Variants in OR2T27 observed in about 807,000 individuals in gnomAD.
OR2T27 encodes the protein olfactory receptor 2T27.
For synonymous variants in OR2T27, 51 were observed against 152.9 expected (o/e 0.33, Z 4.92); for missense variants, 152 against 397.2 (o/e 0.38, Z 5.25).
Position 248,649,932 on chromosome 1 carries a change from T to C in OR2T27, c.953A>G (p.Ter318=), listed in dbSNP as rs750708690. ...TCTCTAGCAGCATATGAAATTTCTT[T>C]AGAAAGTGGTTACCTTTCCTGAGGA... ...CVSSGKVTTF[*] The change falls in exon 2 of 2, where the codon TAA becomes TGA. Residue 318 remains the stop codon, a stop_retained_variant. Transcript: ENST00000460972. 6.5e-7 allele frequency: 1 copy of C among 1,550,334 alleles called. No individual in the cohort carries two copies. The highest frequency in any genetic ancestry group is 8.8e-7 in the Non-Finnish European group (1 of 1,130,304).
rs546103008 is a variant in OR2T27, at chr1:248,655,243, A to C, written c.-5+201T>G. Among the ~76,000 whole-genome samples the C allele has an allele frequency of 7.5e-3, 910 of 120,678 alleles. 48 individuals carry two copies. The highest frequency in any genetic ancestry group is 0.023 in the African/African-American group (870 of 37,896). The allele number at this position is 120,678 out of a possible 152,430, so 79.2% of individuals were successfully genotyped here. A position where few individuals can be genotyped will look rare whatever the true frequency, so the allele number is the denominator to read the frequency against. ...CATTCTGATGTACAGAAAAGATAAG[A>C]GTCCATAACTACTAAGAAACGAGAT... On this transcript the variant is annotated intron_variant, in intron 1 of 1. Coordinates refer to ENST00000460972, the MANE Select transcript of OR2T27 (RefSeq NM_001001824.2).
intron 1 of OR2T27, 51 bp from the exon 2 acceptor site, chr1:248,650,939 A>G: frequency 1.4e-6 from 1 of 705,440 alleles, no homozygotes; most frequent in Admixed American, 4.1e-5. Flanking sequence ...TATCTGATTT[A>G]CATAAAACAT....
In OR2T27 at chr1:248,650,330, C is replaced by CA; in HGVS notation, c.554dup (p.Lys186GlufsTer42). The CA allele has an allele frequency of 1.5e-6, 2 of 1,355,212 alleles. No individual in the cohort carries two copies. The highest frequency in any genetic ancestry group is 1.0e-6 in the Non-Finnish European group (1 of 967,754). 83.9% of individuals were successfully genotyped at this position (1,355,212 alleles called of 1,614,324 possible). On this transcript the variant is annotated frameshift_variant, in exon 2 of 2. Coordinates refer to ENST00000460972, the MANE Select transcript of OR2T27 (RefSeq NM_001001824.2). LOFTEE classifies it low-confidence loss of function (END_TRUNC). ...CTGATGTGTCCGTGCAGGAGAGCTT[C>CA]AGAAGGGCAGGCACCTCGCAGAAGA...
intron 1 of OR2T27, among the ~76,000 whole-genome samples, chr1:248,652,033 A>G (rs1661029467): frequency 6.6e-6 from 1 of 151,408 alleles, no homozygotes; most frequent in African/African-American, 2.5e-5. Flanking sequence ...AAAATTTAGA[A>G]TTCTCTGTGG....
At chr1:248,652,406 G>A (rs1376989790) in intron 1 of OR2T27, among the ~76,000 whole-genome samples, 2 of 149,222 alleles carry the variant, frequency 1.3e-5, no homozygotes, top group African/African-American at 4.9e-5. Flanking sequence ...ACAGGACAAA[G>A]TAGACATCAA....
At chr1:248,653,426 T>G in intron 1 of OR2T27, among the ~76,000 whole-genome samples, 1 of 142,004 alleles carries the variant, frequency 7.0e-6, no homozygotes, top group East Asian at 2.2e-4. Context: ...AACGTCCAGT[T>G]CTATGTATAC....
rs779567708 is a variant in OR2T27 at position 248,650,073 on chromosome 1, T to A, written c.812A>T (p.Asp271Val). ...LPHSYHTPEQ[D>V]KAVSAFYTIL... is the part of the protein sequence containing the mutation. ...GGTGTAGAAGGCAGATACAGCTTTG[T>A]CCTGCTCAGGGGTGTGGTAAGAATG... Residue 271 changes from aspartate to valine, a missense_variant, in exon 2 of 2, where the codon GAC becomes GTC. Asp to Val is a radical substitution (Grantham distance 152, BLOSUM62 -3). Coordinates refer to ENST00000460972, the MANE Select transcript of OR2T27 (RefSeq NM_001001824.2). The A allele has an allele frequency of 2.4e-5, 38 of 1,572,626 alleles. 6 individuals are homozygous for A. In the East Asian group the frequency reaches 8.8e-4, roughly 36 times the overall value.
rs1172236445 is a variant in OR2T27 at position 248,655,448 on chromosome 1, C to T, written c.-9G>A. ...GCATCAAGACTGCAAACTTACCTTA[C>T]ACAGTATCTTCCCCAAACACGATGA... is the stretch of plus-strand genomic sequence containing the variant. On this transcript the variant is annotated 5_prime_UTR_variant, in exon 1 of 2. Coordinates refer to ENST00000460972, the MANE Select transcript of OR2T27 (RefSeq NM_001001824.2). 1.1e-5 allele frequency: 1 copy of T among 89,252 alleles called. No homozygotes were observed. Among genetic ancestry groups the T allele is most frequent in the Non-Finnish European group, 2.7e-5 (1 of 37,188 alleles). 5.5% of individuals were successfully genotyped at this position (89,252 alleles called of 1,614,324 possible).
At position 248,653,903 on chromosome 1, in the gene OR2T27, CAA is replaced by C. The variant is rs1233092013; in HGVS notation, c.-5+1539_-5+1540del. 9.1e-5 allele frequency among the ~76,000 whole-genome samples: 3 copies of C among 32,798 alleles called. 1 individual carries two copies. The East Asian group carries it at 0.5, about 5,466-fold the overall frequency. 21.5% of individuals were successfully genotyped at this position (32,798 alleles called of 152,430 possible). ...GTAATTGTAACTTTGATGTTTAGGC[CAA>C]AAAGTTTTGAAATATTTCAGACATT... On this transcript the variant is annotated intron_variant, in intron 1 of 1. Coordinates refer to ENST00000460972, the MANE Select transcript of OR2T27 (RefSeq NM_001001824.2).
rs1370886824 is a variant in OR2T27, at chr1:248,655,446, T to TAC, written c.-9_-8dup. 1 of 89,452 alleles carries TAC rather than the reference T, an allele frequency of 1.1e-5. No homozygotes were observed. Among genetic ancestry groups the TAC allele is most frequent in the Admixed American group, 1.4e-4 (1 of 7,090 alleles). 5.5% of individuals were successfully genotyped at this position (89,452 alleles called of 1,614,324 possible). A position where few individuals can be genotyped will look rare whatever the true frequency, so the allele number is the denominator to read the frequency against. On this transcript the variant is annotated 5_prime_UTR_variant, in exon 1 of 2. The change creates a premature stop within an existing upstream ORF in the 5' untranslated region. Transcript: ENST00000460972. ...CAGCATCAAGACTGCAAACTTACCTTACACAGTATCTTCCCCAAACACGAT... is the reference window on the plus strand; with the variant it reads ...CAGCATCAAGACTGCAAACTTACCTTACACACAGTATCTTCCCCAAACACGAT...
chr1:248,653,805 T>C (rs1401904771), intron 1 of OR2T27, among the ~76,000 whole-genome samples: 1 of 27,820 alleles, frequency 3.6e-5, no homozygotes, highest in African/African-American at 3.9e-5. Context: ...GATTAGTCTA[T>C]AGATTTTTAT....
chr1:248,649,952 T>C lies in OR2T27; in HGVS notation c.933A>G (p.Ser311=). ...TTCTTTAGAAAGTGGTTACCTTTCC[T>C]GAGGACACACACCTCCCCACAACCT... The part of the protein sequence containing the change: ...LQKVVGRCVS[S]GKVTTF Residue 311 remains serine, a synonymous_variant, in exon 2 of 2, where the codon TCA becomes TCG. Transcript: ENST00000460972. 1 of 1,576,576 alleles carries C rather than the reference T, an allele frequency of 6.3e-7. No homozygotes were observed. The highest frequency in any genetic ancestry group is 8.7e-7 in the Non-Finnish European group (1 of 1,154,052).
rs898403846 is a variant in OR2T27, at chr1:248,654,990, C to T, written c.-5+454G>A. 9.5e-4 allele frequency among the ~76,000 whole-genome samples: 28 copies of T among 29,604 alleles called. 3 individuals are homozygous for T. Among genetic ancestry groups the T allele is most frequent in the African/African-American group, 1.1e-3 (28 of 25,550 alleles). The allele number at this position is 29,604 out of a possible 152,430, so 19.4% of individuals were successfully genotyped here. On this transcript the variant is annotated intron_variant, in intron 1 of 1. Coordinates refer to ENST00000460972, the MANE Select transcript of OR2T27 (RefSeq NM_001001824.2). ...CATTCTTTTCAGCTTCTGGGAACTT[C>T]TAAGTATTAAGTATGCTGCAATGGT...
chr1:248,652,512 G>C (rs543491699), intron 1 of OR2T27, among the ~76,000 whole-genome samples: 1 of 77,958 alleles, frequency 1.3e-5, no homozygotes, highest in African/African-American at 3.0e-5. Context: ...ATCTGTCTTC[G>C]AGCCTAGAAT....
intron 1 of OR2T27, among the ~76,000 whole-genome samples, chr1:248,653,436 C>A (rs185846627): frequency 2.8e-5 from 4 of 141,564 alleles, no homozygotes; most frequent in African/African-American, 7.4e-5. Flanking sequence ...TCTATGTATA[C>A]CTAATAATTA....
intron 1 of OR2T27, among the ~76,000 whole-genome samples, chr1:248,651,992 C>T (rs1268733444): frequency 2.6e-5 from 4 of 151,136 alleles, no homozygotes; most frequent in Non-Finnish European, 1.5e-5. Context: ...TTAGTTTCAC[C>T]TATTTTTTAC....
rs74452532 is a variant in OR2T27, at chr1:248,653,458, C to T, written c.-5+1986G>A. 4.4e-5 allele frequency among the ~76,000 whole-genome samples: 6 copies of T among 137,464 alleles called. 1 individual carries two copies. Among genetic ancestry groups the T allele is most frequent in the Non-Finnish European group, 9.7e-5 (6 of 61,664 alleles). 90.2% of individuals were successfully genotyped at this position (137,464 alleles called of 152,430 possible). On this transcript the variant is annotated intron_variant, in intron 1 of 1. Coordinates refer to ENST00000460972, the MANE Select transcript of OR2T27 (RefSeq NM_001001824.2). ...ATACCTAATAATTAGCACATCTTTC[C>T]CAGTCTTTATAGAGAATATTGCTGT...
chr1:248,653,492 ATG>A (rs1356767580), intron 1 of OR2T27, among the ~76,000 whole-genome samples: 1 of 122,926 alleles, frequency 8.1e-6, no homozygotes, highest in African/African-American at 2.6e-5. Context: ...GTGATTGAAT[ATG>A]AGACACTCAG....
At chr1:248,652,162 G>T (rs1206659605) in intron 1 of OR2T27, among the ~76,000 whole-genome samples, 2 of 98,244 alleles carry the variant, frequency 2.0e-5, no homozygotes, top group African/African-American at 5.2e-5. Context: ...AATTAGAATT[G>T]AGCCAAAAAA....
Sources: allele counts gnomAD v4.1 joint callset (sites outside exome capture counted in the v4.1 genomes callset), GRCh38; gene constraint gnomAD v4.1.1; transcripts MANE v1.5; gene names NCBI Gene and HGNC (gene_info 2026-07-23, HGNC 2026-07-21).